Variants in FAM149B1 observed in about 807,000 individuals in gnomAD.
FAM149B1 encodes the protein primary cilium assembly protein FAM149B1.
A neutral mutation model predicts 75.3 loss-of-function variants in FAM149B1; 56 were observed. The observed-to-expected ratio is 0.74, with a 90% CI of 0.60 to 0.93. The LOEUF (loss-of-function observed/expected upper bound fraction) is 0.93. FAM149B1 is among the 40% of genes least tolerant of loss of function. The probability of loss-of-function intolerance (pLI) is 0.00; values close to 1 mark genes in which losing one functional copy is unlikely to be tolerated. For synonymous variants in FAM149B1, 259 were observed against 256.1 expected, an observed-to-expected ratio of 1.01 and a Z score of -0.11; for missense variants, 639 against 708.4, an observed-to-expected ratio of 0.90 and a Z score of 1.11.
chr10:73,228,170 A>C lies in FAM149B1; in HGVS notation c.1009A>C (p.Ile337Leu). 6.4e-7 allele frequency: 1 copy of C among 1,551,632 alleles called. No individual in the cohort carries two copies. Among genetic ancestry groups the C allele is most frequent in the Non-Finnish European group, 8.7e-7 (1 of 1,146,966 alleles). The change falls in exon 8 of 14, where the codon ATT becomes CTT. Residue 337 changes from isoleucine (I) to leucine (L), a missense_variant. Physicochemically the swap from Ile to Leu is conservative, Grantham distance 5. Transcript: ENST00000242505. Reference protein sequence around the residue: ...PRVPQSKVLYITSNPMSLCQA... With the variant: ...PRVPQSKVLYLTSNPMSLCQA... ...AGTGCCACAGTCTAAGGTGCTGTAC[A>C]TTACCTCAAATCCGGTAAGCCCCAG...
intron 5 of FAM149B1, among the ~76,000 whole-genome samples, chr10:73,201,645 C>T (rs2042941035): frequency 6.6e-6 from 1 of 152,014 alleles, no homozygotes; most frequent in African/African-American, 2.4e-5. Flanking sequence ...AGTAGGAAGG[C>T]CTTTAAAATT....
rs181796568 is a variant in FAM149B1, at chr10:73,228,331, C to T, written c.1023+147C>T. The T allele has an allele frequency of 2.7e-3, 1,774 of 655,622 alleles. 4 individuals are homozygous for T. Among genetic ancestry groups the T allele is most frequent in the Non-Finnish European group, 3.4e-3 (1,310 of 383,854 alleles). The allele number at this position is 655,622 out of a possible 1,614,324, so 40.6% of individuals were successfully genotyped here. The stretch of plus-strand genomic sequence containing the variant: ...TTATCATAATAATCCAGTGACTCTT[C>T]GCATTGGTTTGTTTAAAATATTAAT... On this transcript the variant is annotated intron_variant, in intron 8 of 13. Coordinates refer to ENST00000242505, the MANE Select transcript of FAM149B1 (RefSeq NM_173348.2).
At chr10:73,215,210 A>G (rs968052362) in intron 7 of FAM149B1, among the ~76,000 whole-genome samples, 1 of 151,970 alleles carries the variant, frequency 6.6e-6, no homozygotes, top group Non-Finnish European at 1.5e-5. Flanking sequence ...TAGTAGAGAT[A>G]GGGTTTTGTC....
At chr10:73,214,733 G>A (rs1191375090) in intron 7 of FAM149B1, among the ~76,000 whole-genome samples, 3 of 152,150 alleles carry the variant, frequency 2.0e-5, no homozygotes, top group African/African-American at 4.8e-5. Context: ...TTGTCCATAT[G>A]TTCATCAGGG....
Position 73,243,877 on chromosome 10 carries a change from T to A in FAM149B1, c.*2858T>A, listed in dbSNP as rs1258332758. 6.2e-7 allele frequency: 1 copy of A among 1,614,124 alleles called. No homozygotes were observed. Among genetic ancestry groups the A allele is most frequent in the Admixed American group, 1.7e-5 (1 of 60,004 alleles). ...TGCCTTCAGGCTATCCACGCCTTCA[T>A]CAAGCCCCAACTCCTTTCTGCTCAT... On this transcript the variant is annotated 3_prime_UTR_variant, in exon 14 of 14. Coordinates refer to ENST00000242505, the MANE Select transcript of FAM149B1 (RefSeq NM_173348.2).
intron 7 of FAM149B1, among the ~76,000 whole-genome samples, chr10:73,217,128 G>A (rs1228559150): frequency 3.9e-5 from 6 of 152,188 alleles, no homozygotes; most frequent in Admixed American, 3.9e-4. Context: ...CTGTCATTAT[G>A]TGTATCAATA....
chr10:73,174,409 T>C (rs1843848978), intron 1 of FAM149B1, among the ~76,000 whole-genome samples: 1 of 152,110 alleles, frequency 6.6e-6, no homozygotes, highest in African/African-American at 2.4e-5. Context: ...GTGACATTAA[T>C]TTTAAGAATA....
chr10:73,168,525 T>C, intron 1 of FAM149B1, 139 bp downstream of exon 1: 1 of 1,029,482 alleles, frequency 9.7e-7, no homozygotes, highest in Non-Finnish European at 1.4e-6. Context: ...TCAGCCCTGC[T>C]GGACCCTGCC....
In FAM149B1 at chr10:73,208,772, C is replaced by T. The variant is rs977330770; in HGVS notation, c.696C>T (p.Phe232=). The T allele has an allele frequency of 4.1e-5, 62 of 1,515,060 alleles. No individual in the cohort carries two copies. Among genetic ancestry groups the T allele is most frequent in the South Asian group, 1.1e-4 (9 of 78,430 alleles). 93.9% of individuals were successfully genotyped at this position (1,515,060 alleles called of 1,614,324 possible). ...SEGIIEEYLA[F]DHIDIEEGFH... is the part of the protein sequence containing the mutation. The stretch of plus-strand genomic sequence containing the variant: ...GAATAATTGAGGAATACCTAGCATT[C>T]GATCACATAGATATGTGAGTATTAT... The change falls in exon 6 of 14, where the codon TTC becomes TTT. Residue 232 remains phenylalanine (F), a synonymous_variant. Coordinates refer to ENST00000242505, the MANE Select transcript of FAM149B1 (RefSeq NM_173348.2).
At chr10:73,231,371 C>CAGGT (rs2043694192) in intron 9 of FAM149B1, 1 of 152,146 alleles carries the variant, frequency 6.6e-6, no homozygotes, top group African/African-American at 2.4e-5. Flanking sequence ...GGTCATAGCA[C>CAGGT]AGGTATATGT....
intron 12 of FAM149B1, chr10:73,235,542 A>G (rs1371413819): frequency 1.0e-6 from 1 of 1,004,324 alleles, no homozygotes; most frequent in Non-Finnish European, 1.4e-6. Context: ...ATTCTAAGCA[A>G]TTTAACACTT....
intron 5 of FAM149B1, among the ~76,000 whole-genome samples, chr10:73,206,321 G>A (rs997203181): frequency 6.6e-6 from 1 of 152,178 alleles, no homozygotes; most frequent in African/African-American, 2.4e-5. Context: ...AGATGTGGGA[G>A]CAAAGAAATG....
At chr10:73,216,795 G>A (rs1250532270) in intron 7 of FAM149B1, among the ~76,000 whole-genome samples, 1 of 152,090 alleles carries the variant, frequency 6.6e-6, no homozygotes, top group Admixed American at 6.6e-5. Flanking sequence ...AATGCACTTG[G>A]GCCTGCCACC....
chr10:73,241,450 A>C lies in FAM149B1; in HGVS notation c.*431A>C, dbSNP rs960274581. The C allele has an allele frequency of 5.5e-6, 1 of 182,324 alleles. No homozygotes were observed. The highest frequency in any genetic ancestry group is 2.4e-5 in the African/African-American group (1 of 42,120). The allele number at this position is 182,324 out of a possible 1,614,324, so 11.3% of individuals were successfully genotyped here. ...TGTTCATTTCTGGAGAGTTGTACTC[A>C]GTTTTAAGTCATTTTGCTGTTGAAA... On this transcript the variant is annotated 3_prime_UTR_variant, in exon 14 of 14. Coordinates refer to ENST00000242505, the MANE Select transcript of FAM149B1 (RefSeq NM_173348.2).
intron 9 of FAM149B1, among the ~76,000 whole-genome samples, chr10:73,231,622 G>A (rs531703585): frequency 3.6e-4 from 54 of 151,100 alleles, no homozygotes; most frequent in African/African-American, 1.3e-3. Flanking sequence ...GGTGAGAAAC[G>A]AATGAGCTAT....
downstream of FAM149B1, chr10:73,244,504 G>GAAAAAAAAAAAA (rs796100576): frequency 1.4e-5 from 1 of 69,802 alleles, no homozygotes. Context: ...AGAAAAAAGA[G>GAAAAAAAAAAAA]AAAAAAAAAA....
rs373246893 is a variant in FAM149B1 at position 73,200,571 on chromosome 10, T to A, written c.542+6978T>A. The A allele has an allele frequency of 9.4e-6, 7 of 747,356 alleles. No homozygotes were observed. In the African/African-American group the frequency reaches 1.1e-4, roughly 11 times the overall value. The allele number at this position is 747,356 out of a possible 1,614,324, so 46.3% of individuals were successfully genotyped here. On this transcript the variant is annotated intron_variant, in intron 5 of 13. Coordinates refer to ENST00000242505, the MANE Select transcript of FAM149B1 (RefSeq NM_173348.2). ...TTTGTTTTGGATGAAGCAGATGAAA[T>A]GTTCAGCCAAGGGTTTAAGGATCAA...
At chr10:73,186,686 G>A (rs61215721) in intron 3 of FAM149B1, among the ~76,000 whole-genome samples, 15,584 of 152,198 alleles carry the variant, frequency 0.1, 1,174 homozygotes, top group East Asian at 0.3. Flanking sequence ...CATACAATGC[G>A]ATTATTATTC....
At chr10:73,204,545 T>A (rs2043006761) in intron 5 of FAM149B1, among the ~76,000 whole-genome samples, 1 of 152,224 alleles carries the variant, frequency 6.6e-6, no homozygotes, top group Non-Finnish European at 1.5e-5. Context: ...TTCCATTTTT[T>A]AAAATTTTAT....
Sources: allele counts gnomAD v4.1 joint callset (sites outside exome capture counted in the v4.1 genomes callset), GRCh38; gene constraint gnomAD v4.1.1; transcripts MANE v1.5; gene names NCBI Gene and HGNC (gene_info 2026-07-23, HGNC 2026-07-21).